Variants in MCTP2 observed in about 807,000 individuals in gnomAD.
MCTP2 encodes the protein multiple C2 and transmembrane domain-containing protein 2.
Under a neutral mutation model 111.6 loss-of-function variants are expected in MCTP2, and 132 were observed. The observed-to-expected ratio is 1.18, with a 90% CI of 1.03 to 1.37. The LOEUF is 1.37. Among genes scored for constraint, MCTP2 ranks in the 40% most tolerant of loss-of-function variants. The pLI, the probability that MCTP2 is intolerant of heterozygous loss-of-function variation, is 0.00. For missense variants in MCTP2, 1,183 were observed against 1,067.9 expected (o/e 1.11, Z -1.50); for synonymous variants, 395 against 387.7 (o/e 1.02, Z -0.22).
At chr15:94,231,790 T>C in intron 1 of MCTP2, 126 bp downstream of exon 1, 1 of 152,614 alleles carries the variant, frequency 6.6e-6, no homozygotes, top group Non-Finnish European at 1.5e-5. Context: ...AGGATGAGAA[T>C]TCAGTGGCGC....
At chr15:94,303,821 C>T (rs1031687981) in intron 2 of MCTP2, among the ~76,000 whole-genome samples, 2 of 152,180 alleles carry the variant, frequency 1.3e-5, no homozygotes, top group Non-Finnish European at 2.9e-5. Flanking sequence ...CTTTTTCCAA[C>T]TCTGTGGTGA....
intron 17 of MCTP2, among the ~76,000 whole-genome samples, chr15:94,419,398 C>T (rs148448578): frequency 9.2e-5 from 14 of 151,936 alleles, no homozygotes; most frequent in Admixed American, 2.6e-4. Flanking sequence ...ATTATGGTAC[C>T]GAGAGCATGA....
In MCTP2 at chr15:94,451,534, A is replaced by T. The variant is rs574301368; in HGVS notation, c.2251-6603A>T. On this transcript the variant is annotated intron_variant, in intron 19 of 22. Transcript: ENST00000357742. Reference sequence around the variant, plus strand: ...TTTAATCACACCAGTGGCCTTCACTATTTTTATTACACATTTCCCTCTGTA... The same window carrying T: ...TTTAATCACACCAGTGGCCTTCACTTTTTTTATTACACATTTCCCTCTGTA... Among the ~76,000 whole-genome samples the T allele has an allele frequency of 6.4e-4, 98 of 152,322 alleles. 1 individual carries two copies. Among genetic ancestry groups the T allele is most frequent in the African/African-American group, 2.3e-3 (96 of 41,574 alleles).
At chr15:94,292,295 G>C (rs777171112) in intron 1 of MCTP2, among the ~76,000 whole-genome samples, 2 of 152,114 alleles carry the variant, frequency 1.3e-5, no homozygotes, top group Non-Finnish European at 2.9e-5. Context: ...CTTATTTGAA[G>C]TCTTAGTCCA....
At chr15:94,471,954 G>C (rs2073965121) in intron 21 of MCTP2, among the ~76,000 whole-genome samples, 1 of 152,214 alleles carries the variant, frequency 6.6e-6, no homozygotes, top group African/African-American at 2.4e-5. Flanking sequence ...CATTTGGCTA[G>C]TGGTTTGTTC....
rs34860214 is a variant in MCTP2 at position 94,413,569 on chromosome 15, A to AGTGTGTGT, written c.2085+11567_2085+11574dup. On this transcript the variant is annotated intron_variant, in intron 17 of 22. Coordinates refer to ENST00000357742, the MANE Select transcript of MCTP2 (RefSeq NM_001385001.1). ...CATGGCTTGCTTAGGCATGACGCTGAGTGTGTGTGTGTGTGTGTGTGTGTT... is the reference window on the plus strand; with the variant it reads ...CATGGCTTGCTTAGGCATGACGCTGAGTGTGTGTGTGTGTGTGTGTGTGTGTGTGTGTT... 1.9e-3 allele frequency among the ~76,000 whole-genome samples: 283 copies of AGTGTGTGT among 149,338 alleles called. 1 individual carries two copies. Among genetic ancestry groups the AGTGTGTGT allele is most frequent in the African/African-American group, 4.6e-3 (186 of 40,546 alleles).
chr15:94,441,432 C>T (rs1223017604), intron 18 of MCTP2, among the ~76,000 whole-genome samples: 1 of 152,178 alleles, frequency 6.6e-6, no homozygotes, highest in Admixed American at 6.5e-5. Flanking sequence ...TCTCTGATAT[C>T]TATGTTGTCA....
At position 94,345,010 on chromosome 15, in the gene MCTP2, A is replaced by G; in HGVS notation, c.970-119A>G. 4.3e-6 allele frequency: 5 copies of G among 1,157,256 alleles called. No individual in the cohort carries two copies. The South Asian group carries it at 5.5e-5, about 13-fold the overall frequency. The allele number at this position is 1,157,256 out of a possible 1,614,324, so 71.7% of individuals were successfully genotyped here. On this transcript the variant is annotated intron_variant, in intron 7 of 22. Coordinates refer to ENST00000357742, the MANE Select transcript of MCTP2 (RefSeq NM_001385001.1). ...CTTTCTCTATAACCTCAGAACTTGG[A>G]TATTAATTATCTGAATGTAACCTGG...
At chr15:94,268,175 T>G in intron 1 of MCTP2, among the ~76,000 whole-genome samples, 1 of 109,600 alleles carries the variant, frequency 9.1e-6, no homozygotes, top group Non-Finnish European at 2.1e-5. Context: ...CCAAATTCAT[T>G]CTTTCTTTCT....
chr15:94,347,487 T>A (rs1446979658), intron 8 of MCTP2, among the ~76,000 whole-genome samples: 1 of 152,236 alleles, frequency 6.6e-6, no homozygotes, highest in Non-Finnish European at 1.5e-5. Flanking sequence ...TAATTTTGCA[T>A]CATCCAAAAG....
intron 1 of MCTP2, among the ~76,000 whole-genome samples, chr15:94,287,264 T>C (rs940245145): frequency 1.3e-5 from 2 of 152,152 alleles, no homozygotes; most frequent in Admixed American, 1.3e-4. Context: ...GGACACATCT[T>C]TTTATGTTTA....
At chr15:94,337,696 C>T (rs1474293464) in intron 4 of MCTP2, among the ~76,000 whole-genome samples, 1 of 152,018 alleles carries the variant, frequency 6.6e-6, no homozygotes, top group Non-Finnish European at 1.5e-5. Context: ...CGCGCGCATG[C>T]ACGCGCGTGT....
intron 1 of MCTP2, among the ~76,000 whole-genome samples, chr15:94,244,385 CAT>C (rs2071549958): frequency 6.7e-6 from 1 of 149,474 alleles, no homozygotes; most frequent in African/African-American, 2.4e-5. Flanking sequence ...TATGTATACA[CAT>C]AAATATGTAT....
chr15:94,454,714 A>AT (rs199657903), intron 19 of MCTP2, among the ~76,000 whole-genome samples: 29 of 149,412 alleles, frequency 1.9e-4, no homozygotes, highest in Non-Finnish European at 2.2e-4. Context: ...ATGGAAGTGA[A>AT]TTTTTTTTTT....
At chr15:94,252,583 G>GTC (rs1336323866) in intron 1 of MCTP2, among the ~76,000 whole-genome samples, 1 of 151,912 alleles carries the variant, frequency 6.6e-6, no homozygotes, top group Non-Finnish European at 1.5e-5. Context: ...GTGACACAGA[G>GTC]TGGAGAAAAA....
intron 14 of MCTP2, among the ~76,000 whole-genome samples, chr15:94,394,467 T>TCATATGTTTGTTAAAAACACCCA (rs2081176436): frequency 6.6e-6 from 1 of 152,162 alleles, no homozygotes; most frequent in African/African-American, 2.4e-5. Flanking sequence ...TGTTTAAAAA[T>TCATATGTTTGTTAAAAACACCCA]GTTACATTAA....
intron 7 of MCTP2, chr15:94,341,461 A>G (rs2077636584): frequency 1.3e-5 from 2 of 152,252 alleles, no homozygotes; most frequent in Non-Finnish European, 2.9e-5. Flanking sequence ...ATCTTTGATG[A>G]TGACTTATTT....
intron 14 of MCTP2, among the ~76,000 whole-genome samples, chr15:94,388,594 G>A (rs2080664805): frequency 1.3e-5 from 2 of 152,294 alleles, no homozygotes; most frequent in South Asian, 2.1e-4. Context: ...TTGTGATTTA[G>A]AGGATGTGTT....
intron 19 of MCTP2, among the ~76,000 whole-genome samples, chr15:94,450,721 A>C (rs949469542): frequency 1.3e-5 from 2 of 152,168 alleles, no homozygotes; most frequent in Non-Finnish European, 2.9e-5. Flanking sequence ...TTTTGCATTA[A>C]TCTCTTCTGA....
Sources: gnomAD v4.1 joint callset for allele counts (sites outside exome capture counted in the v4.1 genomes callset) on GRCh38, gnomAD v4.1.1 for gene constraint, MANE v1.5 for transcripts, NCBI Gene and HGNC (gene_info 2026-07-23, HGNC 2026-07-21) for gene names.